The following IL10RA variants were observed in gnomAD, a reference collection of about 807,000 sequenced individuals.
The protein encoded by IL10RA is interleukin 10 receptor subunit alpha.
In IL10RA, 18 loss-of-function variants were observed where a neutral mutation model predicts 29.6. The observed-to-expected ratio is 0.61, with a 90% CI of 0.42 to 0.90. The LOEUF is 0.90. Ranked by LOEUF, IL10RA falls within the 40% of genes least tolerant of loss-of-function variation. The pLI, the probability that IL10RA is intolerant of heterozygous loss-of-function variation, is 0.00. For missense variants in IL10RA, 634 were observed against 716.6 expected, an observed-to-expected ratio of 0.88 and a Z score of 1.32; for synonymous variants, 292 against 294.1, an observed-to-expected ratio of 0.99 and a Z score of 0.07.
Position 118,000,224 on chromosome 11 carries a change from T to G in IL10RA, c.*583T>G, listed in dbSNP as rs1402470457. The G allele has an allele frequency of 6.6e-6, 3 of 454,026 alleles. No individual in the cohort carries two copies. Among genetic ancestry groups the G allele is most frequent in the African/African-American group, 6.0e-5 (3 of 49,948 alleles). The allele number at this position is 454,026 out of a possible 1,614,324, so 28.1% of individuals were successfully genotyped here. ...TCACTGGAAGATCTTAAGGTATATA[T>G]TTTCTGGACACTCAAACACATCATA... On this transcript the variant is annotated 3_prime_UTR_variant, in exon 7 of 7. Coordinates refer to ENST00000227752, the MANE Select transcript of IL10RA (RefSeq NM_001558.4).
chr11:117,999,197 G>A lies in IL10RA; in HGVS notation c.1293G>A (p.Glu431=). The A allele has an allele frequency of 6.2e-7, 1 of 1,614,274 alleles. No individual in the cohort carries two copies. The highest frequency in any genetic ancestry group is 8.5e-7 in the Non-Finnish European group (1 of 1,180,052). The part of the protein sequence containing the change: ...ALGHHSPPEP[E]VPGEEDPAAV... ...GCCACCACAGTCCCCCGGAGCCTGA[G>A]GTGCCTGGGGAAGAAGACCCAGCTG... Residue 431 remains glutamate (E), a synonymous_variant, in exon 7 of 7, where the codon GAG becomes GAA. Transcript: ENST00000227752.
chr11:117,993,918 C>A, intron 4 of IL10RA, 81 bp from the exon 5 acceptor site: 2 of 1,271,856 alleles, frequency 1.6e-6, no homozygotes, highest in Non-Finnish European at 2.3e-6. Context: ...GCTGAAATCA[C>A]CTCTAAAGGC....
chr11:117,998,861 T>C lies in IL10RA; in HGVS notation c.957T>C (p.Ser319=). The C allele has an allele frequency of 6.2e-7, 1 of 1,614,154 alleles. No homozygotes were observed. The highest frequency in any genetic ancestry group is 8.5e-7 in the Non-Finnish European group (1 of 1,180,018). ...TGGACCTGCACGGCAGCACAGACAGTGGCTTTGGCAGCACCAAGCCATCCC... is the reference window on the plus strand; with the variant it reads ...TGGACCTGCACGGCAGCACAGACAGCGGCTTTGGCAGCACCAAGCCATCCC... The part of the protein sequence containing the change: ...KNLDLHGSTD[S]GFGSTKPSLQ... Residue 319 remains serine (S), a synonymous_variant, in exon 7 of 7, where the codon AGT becomes AGC. Transcript: ENST00000227752.
At chr11:117,996,713 C>T (rs1411916076) in intron 6 of IL10RA, among the ~76,000 whole-genome samples, 1 of 152,248 alleles carries the variant, frequency 6.6e-6, no homozygotes, top group African/African-American at 2.4e-5. Flanking sequence ...GCCTTAGCCT[C>T]CCGAGTAGCT....
Position 117,995,640 on chromosome 11 carries a change from C to T in IL10RA, c.740C>T (p.Ser247Phe). 6.2e-7 allele frequency: 1 copy of T among 1,614,180 alleles called. No individual in the cohort carries two copies. Among genetic ancestry groups the T allele is most frequent in the Non-Finnish European group, 8.5e-7 (1 of 1,180,024 alleles). ...IIFFAFVLLL[S>F]GALAYCLALQ... ...TTCTTTGCCTTTGTCCTGCTGCTCT[C>T]CGGAGCCCTCGCCTACTGCCTGGCC... Residue 247 changes from serine (S) to phenylalanine (F), a missense_variant, in exon 6 of 7, where the codon TCC (serine) becomes TTC (phenylalanine). Coordinates refer to ENST00000227752, the MANE Select transcript of IL10RA (RefSeq NM_001558.4).
chr11:117,988,426 T>G lies in IL10RA; in HGVS notation c.112T>G (p.Phe38Val). ...TCCGTCTGTGTGGTTTGAAGCAGAA[T>G]TTTTCCACCACATCCTCCACTGGAC... ...SPPSVWFEAE[F>V]FHHILHWTPI... Residue 38 changes from phenylalanine to valine, a missense_variant, in exon 2 of 7, where the codon TTT (phenylalanine) becomes GTT (valine). By Grantham distance (50) the Phe-to-Val change is conservative. Transcript: ENST00000227752. 1 of 1,614,086 alleles carries G rather than the reference T, an allele frequency of 6.2e-7. No homozygotes were observed. Among genetic ancestry groups the G allele is most frequent in the Non-Finnish European group, 8.5e-7 (1 of 1,179,980 alleles).
Position 117,993,999 on chromosome 11 carries a change from T to G in IL10RA, c.538T>G (p.Phe180Val), listed in dbSNP as rs759799794. The G allele has an allele frequency of 6.2e-7, 1 of 1,613,634 alleles. No homozygotes were observed. Among genetic ancestry groups the G allele is most frequent in the Non-Finnish European group, 8.5e-7 (1 of 1,179,624 alleles). ...AIRKVPGNFTFTHKKVKHENF... is the reference protein window; with the variant it reads ...AIRKVPGNFTVTHKKVKHENF... ...TTAATTGCTATCATTTTTGTTTCAG[T>G]TCACACACAAGAAAGTAAAACATGA... The change falls in exon 5 of 7, where the codon TTC becomes GTC. Residue 180 changes from phenylalanine (F) to valine (V), a missense_variant and splice_region_variant. By Grantham distance (50) the Phe-to-Val change is conservative (BLOSUM62 -1). Transcript: ENST00000227752.
At position 117,993,243 on chromosome 11, in the gene IL10RA, A is replaced by T. The variant is rs1194252295; in HGVS notation, c.370A>T (p.Thr124Ser). ...TNTRFSVDEV[T>S]LTVGSVNLEI... ...CCCCCCACCCCAACTCCATTTAGTGACTCTGACAGTTGGCAGTGTGAACCT... is the reference window on the plus strand; with the variant it reads ...CCCCCCACCCCAACTCCATTTAGTGTCTCTGACAGTTGGCAGTGTGAACCT... The change falls in exon 4 of 7, where the codon ACT becomes TCT. Residue 124 changes from threonine (T) to serine (S), a missense_variant and splice_region_variant. Transcript: ENST00000227752. The T allele has an allele frequency of 6.2e-7, 1 of 1,613,512 alleles. No homozygotes were observed. Among genetic ancestry groups the T allele is most frequent in the Non-Finnish European group, 8.5e-7 (1 of 1,179,780 alleles).
At chr11:117,986,904 C>G in intron 1 of IL10RA, 1 of 1,198,528 alleles carries the variant, frequency 8.3e-7, no homozygotes, top group South Asian at 1.3e-5. Flanking sequence ...CTGACTCTCC[C>G]TTCTCTTAGT....
intron 3 of IL10RA, among the ~76,000 whole-genome samples, chr11:117,992,341 C>A: frequency 6.6e-6 from 1 of 152,244 alleles, no homozygotes; most frequent in Non-Finnish European, 1.5e-5. Flanking sequence ...CTTTTCACCA[C>A]ATCCTTGCCA....
chr11:117,998,652 C>A, intron 6 of IL10RA, 63 bp from the exon 7 acceptor site: 10 of 1,461,626 alleles, frequency 6.8e-6, no homozygotes, highest in Non-Finnish European at 9.6e-6. Context: ...CCTTCCCCGG[C>A]AGCACTGGGA....
At chr11:117,992,597 C>T (rs537051544) in intron 3 of IL10RA, among the ~76,000 whole-genome samples, 9 of 152,250 alleles carry the variant, frequency 5.9e-5, no homozygotes, top group Non-Finnish European at 1.3e-4. Context: ...GATATGAACC[C>T]CTTATTCAAT....
chr11:117,994,595 T>C (rs1484016982), intron 5 of IL10RA, among the ~76,000 whole-genome samples: 1 of 152,180 alleles, frequency 6.6e-6, no homozygotes, highest in Non-Finnish European at 1.5e-5. Context: ...CAGCAAATAC[T>C]GCTCCAGGCT....
At chr11:117,986,995 G>C (rs1165621628) in intron 1 of IL10RA, 5 of 486,870 alleles carry the variant, frequency 1.0e-5, no homozygotes, top group Non-Finnish European at 1.8e-5. Flanking sequence ...GATCCCCCTT[G>C]CTCCACCTGT....
rs951334083 is a variant in IL10RA, at chr11:117,999,927, C to G, written c.*286C>G. Reference sequence around the variant, plus strand: ...TGAGAAGGGCAGGGACCTTCTCCCTCCTAGGAACTCTTTCCTGTATCATAA... The same window carrying G: ...TGAGAAGGGCAGGGACCTTCTCCCTGCTAGGAACTCTTTCCTGTATCATAA... On this transcript the variant is annotated 3_prime_UTR_variant, in exon 7 of 7. Coordinates refer to ENST00000227752, the MANE Select transcript of IL10RA (RefSeq NM_001558.4). 1.6e-6 allele frequency: 1 copy of G among 613,794 alleles called. No homozygotes were observed. Among genetic ancestry groups the G allele is most frequent in the African/African-American group, 1.8e-5 (1 of 55,236 alleles). The allele number at this position is 613,794 out of a possible 1,614,324, so 38.0% of individuals were successfully genotyped here.
Position 117,988,396 on chromosome 11 carries a change from A to T in IL10RA, c.82A>T (p.Ser28Cys). 1 of 1,614,154 alleles carries T rather than the reference A, an allele frequency of 6.2e-7. No individual in the cohort carries two copies. Among genetic ancestry groups the T allele is most frequent in the Non-Finnish European group, 8.5e-7 (1 of 1,180,018 alleles). Residue 28 changes from serine to cysteine, a missense_variant, in exon 2 of 7, where the codon AGC becomes TGC. Coordinates refer to ENST00000227752, the MANE Select transcript of IL10RA (RefSeq NM_001558.4). ...GSDAHGTELPSPPSVWFEAEF... is the reference protein window; with the variant it reads ...GSDAHGTELPCPPSVWFEAEF... ...CTTCTCCCCAGGGACAGAGCTGCCC[A>T]GCCCTCCGTCTGTGTGGTTTGAAGC...
At chr11:118,002,763 A>G (rs1401929308), downstream of IL10RA, 1 of 152,220 alleles carries the variant, frequency 6.6e-6, no homozygotes, top group African/African-American at 2.4e-5. Context: ...CACCACAGAC[A>G]GGCCCTTGGG....
In IL10RA at chr11:117,989,452, G is replaced by C; in HGVS notation, c.199G>C (p.Glu67Gln). ...YEVALLRYGI[E>Q]SWNSISNCSQ... ...CTGGTATCTCCTCAGGTATGGAATA[G>C]AGTCCTGGAACTCCATCTCCAACTG... is the stretch of plus-strand genomic sequence containing the variant. The change falls in exon 3 of 7, where the codon GAG becomes CAG. Residue 67 changes from glutamate to glutamine, a missense_variant. Physicochemically the swap from Glu to Gln is conservative, Grantham distance 29. Coordinates refer to ENST00000227752, the MANE Select transcript of IL10RA (RefSeq NM_001558.4). The surrounding 1 kb of genome is among the most constrained non-coding windows in gnomAD (Gnocchi z 4.5). 1 of 1,614,112 alleles carries C rather than the reference G, an allele frequency of 6.2e-7. No individual in the cohort carries two copies. Among genetic ancestry groups the C allele is most frequent in the Non-Finnish European group, 8.5e-7 (1 of 1,179,932 alleles).
intron 1 of IL10RA, 117 bp downstream of exon 1, chr11:117,986,651 G>T (rs1429863352): frequency 3.9e-6 from 6 of 1,538,074 alleles, no homozygotes. Flanking sequence ...CGGTGCCCGG[G>T]TGCTCCCTTA....
Sources: gnomAD v4.1 joint callset for allele counts (sites outside exome capture counted in the v4.1 genomes callset) on GRCh38, gnomAD v4.1.1 for gene constraint, Gnocchi (gnomAD v3.1) non-coding constraint, MANE v1.5 for transcripts, NCBI Gene and HGNC (gene_info 2026-07-23, HGNC 2026-07-21) for gene names.